The following UGT1A7 variants were observed in gnomAD, a reference collection of about 807,000 sequenced individuals.
The protein encoded by UGT1A7 is UDP glucuronosyltransferase family 1 member A7, also known as UDP-glucuronosyltransferase 1A7.
UGT1A7 carries 33 observed loss-of-function variants against 45.6 expected under a neutral mutation model. The observed-to-expected ratio is 0.72, with a 90% confidence interval of 0.55 to 0.97. The LOEUF (loss-of-function observed/expected upper bound fraction) is 0.97. UGT1A7 is among the 50% of genes least tolerant of loss of function. The probability of loss-of-function intolerance (pLI) is 0.00; values close to 1 mark genes in which losing one functional copy is unlikely to be tolerated. For missense variants in UGT1A7, 684 were observed against 666.2 expected, an observed-to-expected ratio of 1.03 and a Z score of -0.29; for synonymous variants, 274 against 250.6, an observed-to-expected ratio of 1.09 and a Z score of -0.88.
At chr2:233,760,852 C>A (rs770420506) in intron 1 of UGT1A7, 4 of 1,614,068 alleles carry the variant, frequency 2.5e-6, no homozygotes, top group Non-Finnish European at 3.4e-6. Flanking sequence ...GTGCCCCAAC[C>A]CATTCTCCTA....
At chr2:233,767,711 C>G (rs990338657) in intron 2 of UGT1A7, 138 bp from the exon 3 acceptor site, 47 of 1,530,966 alleles carry the variant, frequency 3.1e-5, no homozygotes, top group Non-Finnish European at 4.1e-5. Flanking sequence ...TCCTCAGAAG[C>G]CTTCACAGTT....
chr2:233,691,176 T>A (rs2075031367), intron 1 of UGT1A7: 1 of 985,600 alleles, frequency 1.0e-6, no homozygotes, highest in African/African-American at 1.7e-5. Flanking sequence ...AATGTCTGCC[T>A]GCTCAAGAAG....
intron 1 of UGT1A7, chr2:233,718,879 T>G: frequency 6.2e-7 from 1 of 1,613,960 alleles, no homozygotes; most frequent in Non-Finnish European, 8.5e-7. Context: ...CTGCTCCTCC[T>G]CAGTGTCCAG....
At position 233,772,912 on chromosome 2, in the gene UGT1A7, CAAA is replaced by C. The variant is rs1449737327; in HGVS notation, c.*354_*356del. 1 of 388,968 alleles carries C rather than the reference CAAA, an allele frequency of 2.6e-6. No homozygotes were observed. Among genetic ancestry groups the C allele is most frequent in the Non-Finnish European group, 4.5e-6 (1 of 221,772 alleles). The allele number at this position is 388,968 out of a possible 1,614,324, so 24.1% of individuals were successfully genotyped here. On this transcript the variant is annotated 3_prime_UTR_variant, in exon 5 of 5. Transcript: ENST00000373426. ...GGTGGTCCCACGGCTGCCCCTACTG[CAAA>C]TGGCAGTTTTAATCTTATCTTTTGG...
chr2:233,707,891 T>G (rs1264275324), intron 1 of UGT1A7, among the ~76,000 whole-genome samples: 1 of 152,254 alleles, frequency 6.6e-6, no homozygotes, highest in African/African-American at 2.4e-5. Flanking sequence ...GCATTAGTTA[T>G]GTACATGACT....
At chr2:233,718,330 T>A (rs2076647730) in intron 1 of UGT1A7, among the ~76,000 whole-genome samples, 1 of 152,162 alleles carries the variant, frequency 6.6e-6, no homozygotes, top group African/African-American at 2.4e-5. Flanking sequence ...GGCTTAGCAA[T>A]GTTGTATGTC....
chr2:233,767,314 G>A, intron 2 of UGT1A7, 149 bp downstream of exon 2: 1 of 1,489,626 alleles, frequency 6.7e-7, no homozygotes, highest in Non-Finnish European at 8.8e-7. Flanking sequence ...GGTTTTTTTT[G>A]TTGTTGTGGT....
At chr2:233,682,875 TTACATTTG>T in intron 1 of UGT1A7, 83 bp downstream of exon 1, 1 of 1,520,762 alleles carries the variant, frequency 6.6e-7, no homozygotes, top group Non-Finnish European at 8.8e-7. Flanking sequence ...AATTTATCAT[TTACATTTG>T]TCCCATTTGG....
At chr2:233,761,103 G>A (rs371726341) in intron 1 of UGT1A7, 4 of 1,614,144 alleles carry the variant, frequency 2.5e-6, no homozygotes, top group Admixed American at 1.7e-5. Flanking sequence ...TGCCCAATAT[G>A]GTTTTTGTTG....
intron 1 of UGT1A7, among the ~76,000 whole-genome samples, chr2:233,710,543 A>G (rs2076136295): frequency 6.6e-6 from 1 of 152,198 alleles, no homozygotes; most frequent in Admixed American, 6.5e-5. Flanking sequence ...CTTATTGATC[A>G]TATGCCTGTT....
chr2:233,689,420 C>T (rs2074942005), intron 1 of UGT1A7, among the ~76,000 whole-genome samples: 1 of 152,164 alleles, frequency 6.6e-6, no homozygotes, highest in Admixed American at 6.5e-5. Context: ...TCTCTAATGG[C>T]TTGCAAGTAA....
At chr2:233,709,482 A>G (rs886637388) in intron 1 of UGT1A7, among the ~76,000 whole-genome samples, 4 of 152,202 alleles carry the variant, frequency 2.6e-5, no homozygotes, top group African/African-American at 9.7e-5. Flanking sequence ...ATAAGTATTT[A>G]GTATTTGAAG....
intron 1 of UGT1A7, among the ~76,000 whole-genome samples, chr2:233,697,241 T>C (rs1474179923): frequency 6.6e-6 from 1 of 152,172 alleles, no homozygotes; most frequent in Admixed American, 6.5e-5. Flanking sequence ...TTTTTATTAC[T>C]GCTTCAATCT....
chr2:233,762,018 T>C (rs141035986), intron 1 of UGT1A7, among the ~76,000 whole-genome samples: 3 of 152,328 alleles, frequency 2.0e-5, no homozygotes, highest in African/African-American at 7.2e-5. Flanking sequence ...ATGTGATTTG[T>C]ATTTTATTTT....
intron 1 of UGT1A7, among the ~76,000 whole-genome samples, chr2:233,731,931 T>A (rs963793811): frequency 5.3e-5 from 8 of 152,216 alleles, no homozygotes; most frequent in Non-Finnish European, 1.0e-4. Context: ...TTTCTCCACA[T>A]CCTCTCCAAC....
chr2:233,723,473 G>A (rs1476221455), intron 1 of UGT1A7, among the ~76,000 whole-genome samples: 1 of 135,908 alleles, frequency 7.4e-6, no homozygotes, highest in Admixed American at 7.3e-5. Flanking sequence ...GCCTCCCAAA[G>A]TGCTAGGATT....
intron 1 of UGT1A7, among the ~76,000 whole-genome samples, chr2:233,735,494 C>G (rs1320863859): frequency 6.6e-6 from 1 of 152,164 alleles, no homozygotes; most frequent in East Asian, 1.9e-4. Context: ...TTAATTGCAG[C>G]ATTTAGCCCA....
At chr2:233,691,382 C>A (rs986519990) in intron 1 of UGT1A7, 103 of 985,416 alleles carry the variant, frequency 1.0e-4, no homozygotes, top group Non-Finnish European at 1.2e-4. Context: ...GGTTATGTTC[C>A]CCATGGGGGC....
At chr2:233,743,383 G>A (rs1366748505) in intron 1 of UGT1A7, 1 of 1,197,714 alleles carries the variant, frequency 8.3e-7, no homozygotes, top group Non-Finnish European at 1.1e-6. Context: ...ACTACCGTAG[G>A]ACATGCAGAA....
Sources: allele counts gnomAD v4.1 joint callset (sites outside exome capture counted in the v4.1 genomes callset), GRCh38; gene constraint gnomAD v4.1.1; transcripts MANE v1.5; gene names NCBI Gene and HGNC (gene_info 2026-07-23, HGNC 2026-07-21).